The following ALDH5A1 variants were observed in gnomAD, a reference collection of about 807,000 sequenced individuals.
ALDH5A1 encodes the protein aldehyde dehydrogenase 5 family member A1, also known as succinate-semialdehyde dehydrogenase, mitochondrial.
In ALDH5A1, 33 loss-of-function variants were observed where a neutral mutation model predicts 54.7. The observed-to-expected ratio is 0.60, with a 90% CI of 0.46 to 0.81. The LOEUF is 0.81. ALDH5A1 is among the 30% of genes least tolerant of loss of function. The pLI is 0.00. For missense variants in ALDH5A1, 657 were observed against 711.0 expected (o/e 0.92, Z 0.86); for synonymous variants, 294 against 292.7 (o/e 1.00, Z -0.05).
chr6:24,496,273 G>T (rs1190244310), intron 1 of ALDH5A1, among the ~76,000 whole-genome samples: 1 of 152,174 alleles, frequency 6.6e-6, no homozygotes, highest in African/African-American at 2.4e-5. Flanking sequence ...CTCACATGGG[G>T]TGGAAGGGGA....
At chr6:24,510,556 G>A (rs113289912) in intron 4 of ALDH5A1, among the ~76,000 whole-genome samples, 3,361 of 152,206 alleles carry the variant, frequency 0.022, 68 homozygotes, top group African/African-American at 0.043. Context: ...AATATATAAT[G>A]TCCCTCTCTG....
Position 24,502,563 on chromosome 6 carries a change from T to C in ALDH5A1, c.395T>C (p.Ile132Thr). The C allele has an allele frequency of 6.2e-7, 1 of 1,613,842 alleles. No individual in the cohort carries two copies. The highest frequency in any genetic ancestry group is 8.5e-7 in the Non-Finnish European group (1 of 1,179,728). The change falls in exon 2 of 10, where the codon ATA (isoleucine) becomes ACA (threonine). Residue 132 changes from isoleucine to threonine, a missense_variant. By Grantham distance (89) the Ile-to-Thr change is moderately conservative. This residue lies in a region of ALDH5A1 where 425 missense variants were observed against 516.4 expected (regional missense o/e 0.82). Coordinates refer to ENST00000357578, the MANE Select transcript of ALDH5A1 (RefSeq NM_001080.3). ...CTTCGGAAGTGGTACAATTTAATGA[T>C]ACAAAATAAGGATGACCTTGCCAGA... Reference protein sequence around the residue: ...SLLRKWYNLMIQNKDDLARII... With the variant: ...SLLRKWYNLMTQNKDDLARII...
At chr6:24,513,800 A>G (rs115799823) in intron 4 of ALDH5A1, among the ~76,000 whole-genome samples, 2,032 of 150,106 alleles carry the variant, frequency 0.014, 46 homozygotes, top group African/African-American at 0.047. Flanking sequence ...GGTATACCAC[A>G]CGGCCCGTTG....
chr6:24,517,088 C>T (rs1346888421), intron 5 of ALDH5A1, among the ~76,000 whole-genome samples: 1 of 151,976 alleles, frequency 6.6e-6, no homozygotes, highest in Non-Finnish European at 1.5e-5. Context: ...CTAACTGTAA[C>T]CTCTGCTTCC....
intron 4 of ALDH5A1, among the ~76,000 whole-genome samples, chr6:24,514,541 C>A (rs1464714807): frequency 6.6e-6 from 1 of 152,072 alleles, no homozygotes; most frequent in Admixed American, 6.6e-5. Flanking sequence ...GAGTTCGAGA[C>A]CAGCCTGGCT....
intron 7 of ALDH5A1, 95 bp from the exon 8 acceptor site, chr6:24,527,902 A>G (rs2127389488): frequency 1.4e-6 from 2 of 1,444,566 alleles, no homozygotes; most frequent in Non-Finnish European, 1.9e-6. Flanking sequence ...TTTTTGAAAA[A>G]GAAAAAAAAA....
At chr6:24,504,819 A>G in intron 3 of ALDH5A1, 50 bp from the exon 4 acceptor site, 1 of 1,536,360 alleles carries the variant, frequency 6.5e-7, no homozygotes, top group Non-Finnish European at 9.0e-7. Context: ...CCTTTGCACT[A>G]AGGAGGTGGT....
At chr6:24,531,331 C>T (rs187206354) in intron 8 of ALDH5A1, among the ~76,000 whole-genome samples, 65 of 152,276 alleles carry the variant, frequency 4.3e-4, no homozygotes, top group African/African-American at 1.5e-3. Flanking sequence ...AGGAAACCAA[C>T]GGAAGGCATT....
intron 1 of ALDH5A1, among the ~76,000 whole-genome samples, chr6:24,497,991 T>C (rs1764746683): frequency 6.7e-6 from 1 of 149,376 alleles, no homozygotes; most frequent in African/African-American, 2.5e-5. Context: ...GTGGTAGCAG[T>C]GGACAAGGTG....
At position 24,520,409 on chromosome 6, in the gene ALDH5A1, G is replaced by A. The variant is rs1453806063; in HGVS notation, c.879G>A (p.Leu293=). ...TGSTTTGKIL[L]HHAANSVKRV... ...CTCTCCTCTGCTCACAGATCCTGTT[G>A]CACCACGCAGCAAACTCTGTGAAAA... is the stretch of plus-strand genomic sequence containing the variant. Residue 293 remains leucine (L), a synonymous_variant, in exon 6 of 10, where the codon TTG becomes TTA. Transcript: ENST00000357578. The A allele has an allele frequency of 6.2e-7, 1 of 1,614,038 alleles. No individual in the cohort carries two copies. Among genetic ancestry groups the A allele is most frequent in the Non-Finnish European group, 8.5e-7 (1 of 1,180,008 alleles).
At chr6:24,500,127 C>A (rs1014610999) in intron 1 of ALDH5A1, among the ~76,000 whole-genome samples, 2 of 152,168 alleles carry the variant, frequency 1.3e-5, no homozygotes, top group African/African-American at 2.4e-5. Flanking sequence ...TGTTAATAAT[C>A]CAATGTATCC....
chr6:24,526,654 T>C (rs192460824), intron 7 of ALDH5A1, among the ~76,000 whole-genome samples: 32 of 151,344 alleles, frequency 2.1e-4, no homozygotes, highest in Middle Eastern at 6.8e-3. Flanking sequence ...TAATCTGAAC[T>C]CCTGTTAATA....
At chr6:24,505,893 T>TG (rs1759331466) in intron 4 of ALDH5A1, among the ~76,000 whole-genome samples, 1 of 151,516 alleles carries the variant, frequency 6.6e-6, no homozygotes, top group African/African-American at 2.4e-5. Flanking sequence ...GCTTGAACCC[T>TG]GGGGGCGGAG....
At chr6:24,501,133 CGTT>C (rs1463929148) in intron 1 of ALDH5A1, among the ~76,000 whole-genome samples, 1 of 152,106 alleles carries the variant, frequency 6.6e-6, no homozygotes, top group East Asian at 1.9e-4. Context: ...TCAAGGTAAT[CGTT>C]GTAAGATGTA....
rs758189402 is a variant in ALDH5A1, at chr6:24,496,102, T to C, written c.354+752T>C. On this transcript the variant is annotated intron_variant, in intron 1 of 9. Coordinates refer to ENST00000357578, the MANE Select transcript of ALDH5A1 (RefSeq NM_001080.3). ...TTTTTTACCGTGTCCTTCAAAGCTC[T>C]CCCTCTGAAGGAATGCATCCAGCGA... Among the ~76,000 whole-genome samples the C allele has an allele frequency of 3.3e-4, 50 of 152,168 alleles. 1 individual carries two copies. The highest frequency in any genetic ancestry group is 1.3e-3 in the Admixed American group (20 of 15,276).
intron 1 of ALDH5A1, among the ~76,000 whole-genome samples, chr6:24,497,563 G>GCTAGCTACAGGGTGCTGATTGGTGTGTTT (rs1554136011): frequency 1.3e-5 from 2 of 152,132 alleles, no homozygotes; most frequent in Non-Finnish European, 2.9e-5. Context: ...CAATCCTCTT[G>GCTAGCTACAGGGTGCTGATTGGTGTGTTT]TAAGACAGAA....
At chr6:24,497,223 C>T (rs190055232) in intron 1 of ALDH5A1, among the ~76,000 whole-genome samples, 1 of 152,152 alleles carries the variant, frequency 6.6e-6, no homozygotes, top group African/African-American at 2.4e-5. Context: ...TTTTTATTCC[C>T]TTATTTATCC....
intron 8 of ALDH5A1, among the ~76,000 whole-genome samples, chr6:24,528,917 T>A (rs1581824740): frequency 6.6e-6 from 1 of 152,006 alleles, no homozygotes. Flanking sequence ...CCTCAAGTGA[T>A]CCGCCTGCCT....
intron 1 of ALDH5A1, among the ~76,000 whole-genome samples, chr6:24,498,752 T>C (rs1410985325): frequency 1.3e-5 from 2 of 151,970 alleles, no homozygotes; most frequent in Non-Finnish European, 2.9e-5. Context: ...TCACCTGAGG[T>C]CAGGAGTTCG....
Sources: gnomAD v4.1 joint callset for allele counts (sites outside exome capture counted in the v4.1 genomes callset) on GRCh38, gnomAD v4.1.1 for gene constraint, gnomAD v4.1.1 regional missense constraint, MANE v1.5 for transcripts, NCBI Gene and HGNC (gene_info 2026-07-23, HGNC 2026-07-21) for gene names.